The following EIF4G3 variants were observed in gnomAD, a reference collection of about 807,000 sequenced individuals.
The protein encoded by EIF4G3 is eukaryotic translation initiation factor 4 gamma 3.
EIF4G3 carries 34 observed loss-of-function variants against 186.4 expected under a neutral mutation model. The ratio of observed to expected loss-of-function variants is 0.18; its 90% CI spans 0.14 to 0.24. The LOEUF (loss-of-function observed/expected upper bound fraction) is 0.24, where lower values mean the gene tolerates loss of function less well. Ranked by LOEUF, EIF4G3 falls within the 10% of genes least tolerant of loss-of-function variation. The pLI is 1.00. For missense variants in EIF4G3, 1,536 were observed against 1,948.5 expected, an observed-to-expected ratio of 0.79 and a Z score of 3.99; for synonymous variants, 673 against 679.5, an observed-to-expected ratio of 0.99 and a Z score of 0.15.
intron 2 of EIF4G3, among the ~76,000 whole-genome samples, chr1:21,094,765 TATAATA>T (rs368168938): frequency 0.018 from 2,514 of 140,872 alleles, 52 homozygotes; most frequent in East Asian, 0.064. Flanking sequence ...GAACTTAAAG[TATAATA>T]ATAATAATAA....
intron 7 of EIF4G3, among the ~76,000 whole-genome samples, chr1:20,995,185 T>C (rs547888016): frequency 6.6e-6 from 1 of 152,268 alleles, no homozygotes; most frequent in East Asian, 1.9e-4. Flanking sequence ...TTCCCAAAGC[T>C]CACTACAAAT....
At chr1:20,904,768 G>A in intron 15 of EIF4G3, 115 bp downstream of exon 15, 1 of 608,506 alleles carries the variant, frequency 1.6e-6, no homozygotes, top group East Asian at 3.0e-5. Context: ...ATTAGTCTCT[G>A]AGCTTGATAT....
intron 4 of EIF4G3, among the ~76,000 whole-genome samples, chr1:21,022,092 G>C (rs1271868119): frequency 2.0e-5 from 3 of 152,138 alleles, no homozygotes; most frequent in Admixed American, 2.0e-4. Flanking sequence ...CACCGAAAAT[G>C]CATATCTGTC....
chr1:21,147,380 G>A (rs893491407), intron 2 of EIF4G3, among the ~76,000 whole-genome samples: 16 of 151,412 alleles, frequency 1.1e-4, no homozygotes, highest in Admixed American at 6.6e-4. Context: ...TCACACTGTC[G>A]CCTGGGCTGG....
At chr1:20,928,052 G>T (rs2095047449) in intron 14 of EIF4G3, among the ~76,000 whole-genome samples, 1 of 151,756 alleles carries the variant, frequency 6.6e-6, no homozygotes, top group Non-Finnish European at 1.5e-5. Flanking sequence ...GGGACGAAAG[G>T]TCTCCATATG....
At chr1:20,841,587 T>C (rs2068614229) in intron 29 of EIF4G3, among the ~76,000 whole-genome samples, 1 of 152,230 alleles carries the variant, frequency 6.6e-6, no homozygotes, top group Admixed American at 6.5e-5. Context: ...CATATGAAAG[T>C]TAAATTTAAG....
intron 2 of EIF4G3, among the ~76,000 whole-genome samples, chr1:21,104,182 G>T (rs2096574916): frequency 6.6e-6 from 1 of 152,080 alleles, no homozygotes; most frequent in Non-Finnish European, 1.5e-5. Flanking sequence ...AATATGATAT[G>T]ATCATGAGCA....
chr1:20,968,721 TA>T (rs1454973008), intron 12 of EIF4G3, among the ~76,000 whole-genome samples: 1 of 152,168 alleles, frequency 6.6e-6, no homozygotes, highest in African/African-American at 2.4e-5. Context: ...CATTTTTAAA[TA>T]AAAACACAAT....
chr1:21,064,482 A>C (rs893879709), intron 3 of EIF4G3: 13 of 152,366 alleles, frequency 8.5e-5, no homozygotes, highest in Admixed American at 2.6e-4. Flanking sequence ...ACTCATGAAG[A>C]CATCAGGTAG....
At chr1:21,125,615 A>C (rs1470709925) in intron 2 of EIF4G3, among the ~76,000 whole-genome samples, 2 of 152,040 alleles carry the variant, frequency 1.3e-5, no homozygotes, top group Non-Finnish European at 2.9e-5. Flanking sequence ...GCTACTTGGG[A>C]GGCTAAGACA....
intron 2 of EIF4G3, among the ~76,000 whole-genome samples, chr1:21,165,193 G>A (rs1355707484): frequency 6.6e-6 from 1 of 152,208 alleles, no homozygotes; most frequent in Non-Finnish European, 1.5e-5. Flanking sequence ...GTGTTGGCAA[G>A]GATGCAGAAA....
At chr1:21,168,160 T>C (rs1286452479) in intron 2 of EIF4G3, 2 of 405,402 alleles carry the variant, frequency 4.9e-6, no homozygotes, top group Non-Finnish European at 1.0e-5. Flanking sequence ...TCCCAACACT[T>C]TGGGAGGCTG....
chr1:20,854,741 A>G (rs994682207), intron 26 of EIF4G3, among the ~76,000 whole-genome samples: 4 of 150,900 alleles, frequency 2.7e-5, no homozygotes, highest in African/African-American at 4.9e-5. Flanking sequence ...AAATAAATAA[A>G]TAAAGGTCTT....
At chr1:20,872,513 T>C (rs2079503355) in intron 20 of EIF4G3, among the ~76,000 whole-genome samples, 1 of 152,098 alleles carries the variant, frequency 6.6e-6, no homozygotes. Flanking sequence ...CTTGTTTTTG[T>C]TTCAAAAATT....
chr1:21,118,868 G>T (rs897803034), intron 2 of EIF4G3, among the ~76,000 whole-genome samples: 4 of 140,866 alleles, frequency 2.8e-5, no homozygotes, highest in African/African-American at 1.1e-4. Flanking sequence ...GGTGCACCAG[G>T]ATCATACCTG....
chr1:20,879,826 T>A (rs891204595), intron 19 of EIF4G3, among the ~76,000 whole-genome samples: 1 of 152,182 alleles, frequency 6.6e-6, no homozygotes, highest in Non-Finnish European at 1.5e-5. Context: ...ACTGTGTATG[T>A]AACCTTTGAA....
Position 20,865,274 on chromosome 1 carries a change from C to G in EIF4G3, c.2623-12G>C, listed in dbSNP as rs374059233. On this transcript the variant is annotated splice_polypyrimidine_tract_variant and intron_variant, in intron 20 of 36. Coordinates refer to ENST00000602326, the MANE Select transcript of EIF4G3 (RefSeq NM_001391906.1). The stretch of plus-strand genomic sequence containing the variant: ...ATGGGTACTTTCAGCTACATCCAGA[C>G]AGGAAAATAAAAAAAATCAACAAGA... 9.0e-4 allele frequency: 1,448 copies of G among 1,605,340 alleles called. 21 individuals carry two copies. The South Asian group carries it at 0.012, about 14-fold the overall frequency.
At chr1:21,087,184 T>C (rs2096013740) in intron 3 of EIF4G3, among the ~76,000 whole-genome samples, 1 of 152,200 alleles carries the variant, frequency 6.6e-6, no homozygotes, top group African/African-American at 2.4e-5. Flanking sequence ...ATCCTATCTA[T>C]ATCCACAGGA....
At position 21,055,000 on chromosome 1, in the gene EIF4G3, G is replaced by C. The variant is rs190384887; in HGVS notation, c.-195-4006C>G. ...TTGGGAAAATTTTGTTTCCAATTTTGAGTGACTATTACATTTATAAAGGCA... is the reference window on the plus strand; with the variant it reads ...TTGGGAAAATTTTGTTTCCAATTTTCAGTGACTATTACATTTATAAAGGCA... On this transcript the variant is annotated intron_variant, in intron 3 of 36. Coordinates refer to ENST00000602326, the MANE Select transcript of EIF4G3 (RefSeq NM_001391906.1). 9.0e-3 allele frequency among the ~76,000 whole-genome samples: 1,373 copies of C among 151,998 alleles called. 9 individuals are homozygous for C. The highest frequency in any genetic ancestry group is 0.015 in the Non-Finnish European group (992 of 67,972).
Sources: allele counts gnomAD v4.1 joint callset (sites outside exome capture counted in the v4.1 genomes callset), GRCh38; gene constraint gnomAD v4.1.1; transcripts MANE v1.5; gene names NCBI Gene and HGNC (gene_info 2026-07-23, HGNC 2026-07-21).